MKLN1: variants seen among roughly 807,000 people sequenced by gnomAD.
MKLN1 encodes the protein muskelin.
Under a neutral mutation model 99.0 loss-of-function variants are expected in MKLN1, and 18 were observed. The ratio of observed to expected loss-of-function variants is 0.18; its 90% CI spans 0.13 to 0.27. The LOEUF (loss-of-function observed/expected upper bound fraction) is 0.27, where lower values mean the gene tolerates loss of function less well. MKLN1 is among the 10% of genes least tolerant of loss of function. MKLN1 has a pLI of 1.00. For synonymous variants in MKLN1, 288 were observed against 293.2 expected (o/e 0.98, Z 0.18); for missense variants, 621 against 875.9 (o/e 0.71, Z 3.67).
At chr7:131,170,865 T>A (rs1006547742) in intron 2 of MKLN1, among the ~76,000 whole-genome samples, 5 of 152,208 alleles carry the variant, frequency 3.3e-5, no homozygotes, top group African/African-American at 1.2e-4. Flanking sequence ...TTCATCATAG[T>A]ACATTTTAAT....
chr7:131,240,076 C>G (rs6970439), intron 3 of MKLN1, among the ~76,000 whole-genome samples: 27,706 of 151,846 alleles, frequency 0.18, 3,331 homozygotes, highest in African/African-American at 0.34. Flanking sequence ...AGCTACTTGG[C>G]AGGCTGAGGA....
intron 3 of MKLN1, among the ~76,000 whole-genome samples, chr7:131,234,510 C>T (rs1480956607): frequency 1.3e-5 from 2 of 152,028 alleles, no homozygotes; most frequent in African/African-American, 4.8e-5. Context: ...CCAGAGGACT[C>T]GTGTAAACTG....
chr7:131,331,473 C>T (rs1209643974), intron 1 of MKLN1, among the ~76,000 whole-genome samples: 1 of 152,082 alleles, frequency 6.6e-6, no homozygotes. Flanking sequence ...AGTTAACTTG[C>T]CCAGGTCTAA....
At chr7:131,444,768 G>GTAC (rs1795955887) in intron 11 of MKLN1, among the ~76,000 whole-genome samples, 2 of 46,238 alleles carry the variant, frequency 4.3e-5, no homozygotes, top group Non-Finnish European at 8.9e-5. Flanking sequence ...AGAAGAAGTA[G>GTAC]TAGTAGTAGT....
Position 131,135,388 on chromosome 7 carries a change from G to A in MKLN1, c.-418-7432G>A, listed in dbSNP as rs868801812. Among the ~76,000 whole-genome samples, 3 of 152,330 alleles carry A rather than the reference G, an allele frequency of 2.0e-5. No individual in the cohort carries two copies. In the South Asian group the frequency reaches 6.2e-4, roughly 32 times the overall value. On this transcript the variant is annotated intron_variant, in intron 1 of 7. Transcript: ENST00000416992. Reference sequence around the variant, plus strand: ...TCTGCCCTCCTCCTCCCAAAGTGCTGGGATTACAGGCATGAGCCACTGCGT... The same window carrying A: ...TCTGCCCTCCTCCTCCCAAAGTGCTAGGATTACAGGCATGAGCCACTGCGT...
At chr7:131,157,391 C>T (rs1456341977) in intron 2 of MKLN1, among the ~76,000 whole-genome samples, 2 of 152,148 alleles carry the variant, frequency 1.3e-5, no homozygotes, top group African/African-American at 4.8e-5. Flanking sequence ...GAGAGAGACA[C>T]TGTCTTAAAA....
At chr7:131,355,122 T>A (rs1799835088) in intron 1 of MKLN1, among the ~76,000 whole-genome samples, 1 of 152,130 alleles carries the variant, frequency 6.6e-6, no homozygotes, top group Non-Finnish European at 1.5e-5. Flanking sequence ...CCTGATTGTG[T>A]ATTCATGTAT....
intron 2 of MKLN1, among the ~76,000 whole-genome samples, chr7:131,192,479 A>G (rs1287961246): frequency 7.5e-6 from 1 of 133,318 alleles, no homozygotes; most frequent in African/African-American, 2.9e-5. Flanking sequence ...TAAATATACA[A>G]TATATAAATA....
At chr7:131,185,414 C>G (rs1210737484) in intron 2 of MKLN1, among the ~76,000 whole-genome samples, 1 of 97,336 alleles carries the variant, frequency 1.0e-5, no homozygotes, top group African/African-American at 3.6e-5. Context: ...CTCGTCTCTA[C>G]TAAAAATACA....
At chr7:131,275,558 TATATA>T (rs1300755075) in intron 3 of MKLN1, among the ~76,000 whole-genome samples, 57 of 28,114 alleles carry the variant, frequency 2.0e-3, no homozygotes, top group Non-Finnish European at 3.0e-3. Context: ...TATATATATA[TATATA>T]TATATTTTTT....
chr7:131,342,029 A>G (rs1273215585), intron 1 of MKLN1, among the ~76,000 whole-genome samples: 1 of 152,226 alleles, frequency 6.6e-6, no homozygotes, highest in Non-Finnish European at 1.5e-5. Context: ...ATGCTGCTAT[A>G]ATAAACATTC....
chr7:131,346,534 AC>A (rs1799568534), intron 1 of MKLN1, among the ~76,000 whole-genome samples: 14 of 141,664 alleles, frequency 9.9e-5, no homozygotes, highest in Admixed American at 9.2e-4. Flanking sequence ...AAAAAAAAAA[AC>A]CCAAAAAACA....
chr7:131,258,775 TC>T (rs1471531622), intron 3 of MKLN1, among the ~76,000 whole-genome samples: 2 of 152,160 alleles, frequency 1.3e-5, no homozygotes, highest in African/African-American at 4.8e-5. Context: ...ATACTAAATA[TC>T]TATTCATGAA....
At chr7:131,283,730 C>T (rs1472722475) in intron 3 of MKLN1, among the ~76,000 whole-genome samples, 1 of 151,688 alleles carries the variant, frequency 6.6e-6, no homozygotes, top group Non-Finnish European at 1.5e-5. Flanking sequence ...GCCATTGTGC[C>T]CGGCCGAGAA....
At chr7:131,314,601 T>G (rs1488420547) in intron 3 of MKLN1, among the ~76,000 whole-genome samples, 1 of 151,630 alleles carries the variant, frequency 6.6e-6, no homozygotes, top group Non-Finnish European at 1.5e-5. Context: ...TTTTTGTATT[T>G]TTAGTAGAGA....
In MKLN1 at chr7:131,184,309, T is replaced by C. The variant is rs1225964690; in HGVS notation, c.-296-18548T>C. Among the ~76,000 whole-genome samples, 3 of 152,268 alleles carry C rather than the reference T, an allele frequency of 2.0e-5. No individual in the cohort carries two copies. The East Asian group carries it at 5.8e-4, about 29-fold the overall frequency. On this transcript the variant is annotated intron_variant, in intron 2 of 7. Transcript: ENST00000416992. ...CTGGCTTTATTTTCTAATGTCTTAA[T>C]GCTCAAACCTAAAATTCTCCAAATC...
At chr7:131,345,545 C>A (rs1258290596) in intron 1 of MKLN1, among the ~76,000 whole-genome samples, 1 of 152,074 alleles carries the variant, frequency 6.6e-6, no homozygotes, top group Admixed American at 6.6e-5. Context: ...AGCGAGACCT[C>A]TTCTCTACAA....
At chr7:131,359,954 G>A (rs1458458700) in intron 1 of MKLN1, among the ~76,000 whole-genome samples, 1 of 151,810 alleles carries the variant, frequency 6.6e-6, no homozygotes, top group African/African-American at 2.4e-5. Context: ...TTACCATGTT[G>A]GCGAGGCTGG....
At chr7:131,444,817 T>TGGA (rs1795960890) in intron 11 of MKLN1, among the ~76,000 whole-genome samples, 1 of 111,410 alleles carries the variant, frequency 9.0e-6, no homozygotes, top group African/African-American at 3.5e-5. Flanking sequence ...GTAGTAGTAG[T>TGGA]AGTAGAAGTG....
Sources: gnomAD v4.1 joint callset for allele counts (sites outside exome capture counted in the v4.1 genomes callset) on GRCh38, gnomAD v4.1.1 for gene constraint, MANE v1.5 for transcripts, NCBI Gene and HGNC (gene_info 2026-07-23, HGNC 2026-07-21) for gene names.